The following LMBRD1 variants were observed in gnomAD, a reference collection of about 807,000 sequenced individuals.
LMBRD1 encodes the protein LMBR1 domain containing 1.
In LMBRD1, 64 loss-of-function variants were observed where a neutral mutation model predicts 74.8. That is an observed-to-expected ratio of 0.86 (90% CI 0.70 to 1.05). The LOEUF is 1.05. Among genes scored for constraint, LMBRD1 ranks in the 50% least tolerant of loss-of-function variants. LMBRD1 has a pLI of 0.00. For synonymous variants in LMBRD1, 204 were observed against 216.3 expected (o/e 0.94, Z 0.50); for missense variants, 652 against 645.9 (o/e 1.01, Z -0.10).
chr6:69,710,999 C>A (rs1333375759), intron 9 of LMBRD1, among the ~76,000 whole-genome samples: 1 of 152,086 alleles, frequency 6.6e-6, no homozygotes, highest in Non-Finnish European at 1.5e-5. Flanking sequence ...AAGGTTTGTA[C>A]AAAAGTGTTC....
intron 2 of LMBRD1, among the ~76,000 whole-genome samples, chr6:69,781,890 A>G (rs1215862576): frequency 6.6e-6 from 1 of 152,212 alleles, no homozygotes; most frequent in East Asian, 1.9e-4. Flanking sequence ...GAGTATATTA[A>G]CATATTGATT....
chr6:69,721,233 G>A (rs1766607881), intron 7 of LMBRD1, among the ~76,000 whole-genome samples: 1 of 152,198 alleles, frequency 6.6e-6, no homozygotes, highest in Admixed American at 6.5e-5. Flanking sequence ...GGACTAGGGT[G>A]GCATGTGACC....
chr6:69,776,993 C>A (rs900560701), intron 3 of LMBRD1, among the ~76,000 whole-genome samples: 5 of 151,654 alleles, frequency 3.3e-5, no homozygotes, highest in Non-Finnish European at 7.4e-5. Flanking sequence ...CTAAAAAATA[C>A]AAAAATTAAC....
At chr6:69,719,896 A>G (rs1215827534) in intron 7 of LMBRD1, among the ~76,000 whole-genome samples, 1 of 152,194 alleles carries the variant, frequency 6.6e-6, no homozygotes, top group Non-Finnish European at 1.5e-5. Context: ...TAGATGGGCC[A>G]TGAGATTGAG....
chr6:69,736,143 T>G (rs1766971925), intron 7 of LMBRD1, among the ~76,000 whole-genome samples: 1 of 152,166 alleles, frequency 6.6e-6, no homozygotes, highest in African/African-American at 2.4e-5. Context: ...GAGACACATC[T>G]CCACGCATCT....
intron 5 of LMBRD1, among the ~76,000 whole-genome samples, 163 bp downstream of exon 5, chr6:69,749,178 A>G (rs1256688386): frequency 6.6e-6 from 1 of 152,012 alleles, no homozygotes; most frequent in East Asian, 1.9e-4. Flanking sequence ...CATAGACAAA[A>G]CTGTTAAATT....
chr6:69,782,694 AAAAAG>A (rs1050288768), intron 2 of LMBRD1, among the ~76,000 whole-genome samples: 1 of 152,148 alleles, frequency 6.6e-6, no homozygotes, highest in African/African-American at 2.4e-5. Flanking sequence ...AAACAAAAAA[AAAAAG>A]AGAGAGAGAG....
In LMBRD1 at chr6:69,674,012, G is replaced by C. The variant is rs1467388978; in HGVS notation, c.*2146C>G. ...ATCACAAAATGCCACAGACTCAGTG[G>C]CTTAAACAACAGAAATTTATTTTCT... is the stretch of plus-strand genomic sequence containing the variant. On this transcript the variant is annotated 3_prime_UTR_variant, in exon 16 of 16. Coordinates refer to ENST00000649934, the MANE Select transcript of LMBRD1 (RefSeq NM_018368.4). Among the ~76,000 whole-genome samples the C allele has an allele frequency of 6.6e-6, 1 of 152,144 alleles. No homozygotes were observed. The highest frequency in any genetic ancestry group is 1.5e-5 in the Non-Finnish European group (1 of 68,036).
intron 9 of LMBRD1, among the ~76,000 whole-genome samples, chr6:69,707,303 GC>G (rs1240694791): frequency 6.6e-5 from 10 of 152,060 alleles, no homozygotes; most frequent in African/African-American, 2.2e-4. Context: ...ATTAGACTGA[GC>G]CCACCTGAAT....
chr6:69,740,930 T>C (rs887800975), intron 6 of LMBRD1, among the ~76,000 whole-genome samples: 1 of 152,146 alleles, frequency 6.6e-6, no homozygotes, highest in African/African-American at 2.4e-5. Flanking sequence ...CTTTTTTTTC[T>C]GTAAAAACCT....
intron 2 of LMBRD1, among the ~76,000 whole-genome samples, chr6:69,785,268 T>G (rs986467289): frequency 2.6e-5 from 4 of 152,206 alleles, no homozygotes; most frequent in African/African-American, 9.7e-5. Flanking sequence ...GATAGAGAAC[T>G]CCAGTCCTCG....
chr6:69,705,985 A>G, intron 9 of LMBRD1: 1 of 855,452 alleles, frequency 1.2e-6, no homozygotes, highest in Non-Finnish European at 2.0e-6. Context: ...TGCTTCAACG[A>G]TGTGTAATTC....
intron 2 of LMBRD1, among the ~76,000 whole-genome samples, chr6:69,788,052 A>T (rs1765995824): frequency 6.6e-6 from 1 of 152,206 alleles, no homozygotes; most frequent in South Asian, 2.1e-4. Flanking sequence ...GGAAGCGAGC[A>T]CTAATTTAAG....
chr6:69,676,592 G>T, intron 14 of LMBRD1, 51 bp from the exon 15 acceptor site: 1 of 1,318,214 alleles, frequency 7.6e-7, no homozygotes, highest in South Asian at 1.2e-5. Context: ...TCATAAAATT[G>T]ATGATTAATA....
intron 3 of LMBRD1, among the ~76,000 whole-genome samples, chr6:69,769,680 A>C (rs1400785694): frequency 6.6e-6 from 1 of 150,908 alleles, no homozygotes; most frequent in African/African-American, 2.4e-5. Context: ...AAGTCTATAA[A>C]ATCTGTTTTC....
chr6:69,770,682 T>C (rs1008594859), intron 3 of LMBRD1, among the ~76,000 whole-genome samples: 10 of 152,242 alleles, frequency 6.6e-5, no homozygotes, highest in African/African-American at 2.4e-4. Context: ...TGCCAATATC[T>C]GTTCTTTGTG....
At chr6:69,715,687 T>TACAC (rs143472030) in intron 8 of LMBRD1, among the ~76,000 whole-genome samples, 2 of 151,402 alleles carry the variant, frequency 1.3e-5, no homozygotes, top group Admixed American at 1.3e-4. Context: ...ATTTTCTATT[T>TACAC]ACACACACAC....
intron 3 of LMBRD1, among the ~76,000 whole-genome samples, chr6:69,758,687 A>G (rs1765315915): frequency 1.3e-5 from 2 of 152,186 alleles, no homozygotes; most frequent in Admixed American, 6.6e-5. Context: ...TATTTAAACC[A>G]GGAACTTCTG....
chr6:69,680,784 C>T (rs899798546), intron 14 of LMBRD1, among the ~76,000 whole-genome samples: 11 of 152,000 alleles, frequency 7.2e-5, no homozygotes, highest in Admixed American at 4.6e-4. Flanking sequence ...AAAATTTTTG[C>T]TAATAAGATG....
Sources: gnomAD v4.1 joint callset for allele counts (sites outside exome capture counted in the v4.1 genomes callset) on GRCh38, gnomAD v4.1.1 for gene constraint, MANE v1.5 for transcripts, NCBI Gene and HGNC (gene_info 2026-07-23, HGNC 2026-07-21) for gene names.